Variants in HJV observed in about 807,000 individuals in gnomAD.
The protein encoded by HJV is hemojuvelin BMP co-receptor.
In HJV, 18 loss-of-function variants were observed where a neutral mutation model predicts 22.7. That is an observed-to-expected ratio of 0.79 (90% CI 0.55 to 1.18). The LOEUF (loss-of-function observed/expected upper bound fraction) is 1.18. Ranked by LOEUF, HJV falls within the 50% of genes most tolerant of loss-of-function variation. HJV has a pLI of 0.00. For synonymous variants in HJV, 229 were observed against 222.7 expected (o/e 1.03, Z -0.25); for missense variants, 572 against 553.0 (o/e 1.03, Z -0.34).
intron 3 of HJV, 89 bp downstream of exon 3, chr1:146,019,086 G>T: frequency 9.3e-7 from 1 of 1,071,312 alleles, no homozygotes. Flanking sequence ...GAATTAGGGA[G>T]CATTGCTGTT....
chr1:146,019,347 G>A lies in HJV; in HGVS notation c.485C>T (p.Pro162Leu). Reference sequence around the variant, plus strand: ...GAAGGAAGCGCAATGCAAGAACCCCGGGGGACGACCATGCAGCCGGGAAAA... The same window carrying A: ...GAAGGAAGCGCAATGCAAGAACCCCAGGGGACGACCATGCAGCCGGGAAAA... ...GRFSRLHGRP[P>L]GFLHCASFGD... Residue 162 changes from proline to leucine, a missense_variant, in exon 3 of 4, where the codon CCG becomes CTG. By Grantham distance (98) the Pro-to-Leu change is moderately conservative (BLOSUM62 -3). Transcript: ENST00000336751. 2 of 1,613,856 alleles carry A rather than the reference G, an allele frequency of 1.2e-6. No homozygotes were observed. The highest frequency in any genetic ancestry group is 2.2e-5 in the East Asian group (1 of 44,884).
chr1:146,020,242 C>T lies in HJV; in HGVS notation c.-11G>A. 1 of 1,561,260 alleles carries T rather than the reference C, an allele frequency of 6.4e-7. No homozygotes were observed. Among genetic ancestry groups the T allele is most frequent in the South Asian group, 1.1e-5 (1 of 90,036 alleles). ...GCCTGGCTCCCCCATACCTATCCAG[C>T]CAGGTTTCCCAGGCGCCGGTTCTTC... is the stretch of plus-strand genomic sequence containing the variant. On this transcript the variant is annotated 5_prime_UTR_variant, in exon 2 of 4. Coordinates refer to ENST00000336751, the MANE Select transcript of HJV (RefSeq NM_213653.4).
rs782353082 is a variant in HJV at position 146,019,441 on chromosome 1, G to T, written c.391C>A (p.Arg131=). The change falls in exon 3 of 4, where the codon CGG becomes AGG. Residue 131 remains arginine, a synonymous_variant. Coordinates refer to ENST00000336751, the MANE Select transcript of HJV (RefSeq NM_213653.4). ...RQGPTAPPPP[R]GPALPGAGSG... ...CCCGCGCCTGGAAGGGCGGGGCCCC[G>T]GGGCGGGGGAGGGGCTGTAGGGCCC... The T allele has an allele frequency of 1.9e-6, 3 of 1,612,286 alleles. No individual in the cohort carries two copies. The highest frequency in any genetic ancestry group is 2.5e-6 in the Non-Finnish European group (3 of 1,179,508).
In HJV at chr1:146,019,423, C is replaced by T. The variant is rs587719388; in HGVS notation, c.409G>A (p.Gly137Ser). 56 of 1,612,458 alleles carry T rather than the reference C, an allele frequency of 3.5e-5. 1 individual carries two copies. The East Asian group carries it at 5.8e-4, about 17-fold the overall frequency. The change falls in exon 3 of 4, where the codon GGC becomes AGC. Residue 137 changes from glycine to serine, a missense_variant. Coordinates refer to ENST00000336751, the MANE Select transcript of HJV (RefSeq NM_213653.4). ...GGGGCAGGGAGGCCGGAGCCCGCGC[C>T]TGGAAGGGCGGGGCCCCGGGGCGGG... Reference protein sequence around the residue: ...PPPPRGPALPGAGSGLPAPDP... With the variant: ...PPPPRGPALPSAGSGLPAPDP...
intron 1 of HJV, 118 bp downstream of exon 1, chr1:146,021,469 G>C (rs587613253): frequency 6.5e-6 from 1 of 152,792 alleles, no homozygotes; most frequent in Admixed American, 6.5e-5. Flanking sequence ...GGGCACCTTG[G>C]TAGGGAGAGA....
chr1:146,019,875 A>G, intron 2 of HJV, 141 bp from the exon 3 acceptor site: 2 of 1,317,068 alleles, frequency 1.5e-6, no homozygotes, highest in Non-Finnish European at 2.1e-6. Context: ...CCCAGCCCCC[A>G]ACCCCCTAGT....
chr1:146,019,054 G>T, intron 3 of HJV, 121 bp downstream of exon 3: 1 of 894,438 alleles, frequency 1.1e-6, no homozygotes, highest in Non-Finnish European at 1.9e-6. Flanking sequence ...TCGAGATGGG[G>T]GAGAGGTTGA....
At position 146,018,243 on chromosome 1, in the gene HJV, T is replaced by A. The variant is rs151128969; in HGVS notation, c.1115A>T (p.Asn372Ile). Reference protein sequence around the residue: ...VFDVLISGDPNFTVAAQAALE... With the variant: ...VFDVLISGDPIFTVAAQAALE... ...TGCTGCCTGAGCTGCCACGGTAAAG[T>A]TGGGATCACCAGAAATTAAAACATC... The change falls in exon 4 of 4, where the codon AAC becomes ATC. Residue 372 changes from asparagine (N) to isoleucine (I), a missense_variant. By Grantham distance (149) the Asn-to-Ile change is moderately radical. Transcript: ENST00000336751. 5.6e-6 allele frequency: 9 copies of A among 1,614,050 alleles called. No individual in the cohort carries two copies. Among genetic ancestry groups the A allele is most frequent in the Admixed American group, 1.7e-5 (1 of 59,982 alleles).
In HJV at chr1:146,018,696, G is replaced by T; in HGVS notation, c.662C>A (p.Thr221Asn). The T allele has an allele frequency of 6.2e-7, 1 of 1,614,120 alleles. No homozygotes were observed. Among genetic ancestry groups the T allele is most frequent in the East Asian group, 2.2e-5 (1 of 44,888 alleles). Reference protein sequence around the residue: ...GANATATRKLTIIFKNMQECI... With the variant: ...GANATATRKLNIIFKNMQECI... ...TTCCTGCATGTTCTTAAATATGATG[G>T]TGAGCTGTGAGGACAAGAGGGAAAA... Residue 221 changes from threonine (T) to asparagine (N), a missense_variant, in exon 4 of 4, where the codon ACC becomes AAC. Coordinates refer to ENST00000336751, the MANE Select transcript of HJV (RefSeq NM_213653.4).
rs1553769787 is a variant in HJV, at chr1:146,019,703, A to G, written c.129T>C (p.Asn43=). 1.2e-6 allele frequency: 2 copies of G among 1,613,956 alleles called. No individual in the cohort carries two copies. The highest frequency in any genetic ancestry group is 1.7e-5 in the Admixed American group (1 of 60,010). Residue 43 remains asparagine, a synonymous_variant, in exon 3 of 4, where the codon AAT becomes AAC. Coordinates refer to ENST00000336751, the MANE Select transcript of HJV (RefSeq NM_213653.4). ...TCAGAGTGGACGATACGTACTCAGCATTGCAGCGGAGGATCTTGCATTGAG... is the reference window on the plus strand; with the variant it reads ...TCAGAGTGGACGATACGTACTCAGCGTTGCAGCGGAGGATCTTGCATTGAG... ...AHSQCKILRC[N]AEYVSSTLSL...
At position 146,019,435 on chromosome 1, in the gene HJV, G is replaced by C; in HGVS notation, c.397C>G (p.Pro133Ala). ...CCGGAGCCCGCGCCTGGAAGGGCGG[G>C]GCCCCGGGGCGGGGGAGGGGCTGTA... ...GPTAPPPPRGPALPGAGSGLP... is the reference protein window; with the variant it reads ...GPTAPPPPRGAALPGAGSGLP... Residue 133 changes from proline to alanine, a missense_variant, in exon 3 of 4, where the codon CCC (proline) becomes GCC (alanine). Pro to Ala is a conservative substitution (Grantham distance 27). Coordinates refer to ENST00000336751, the MANE Select transcript of HJV (RefSeq NM_213653.4). 6.2e-7 allele frequency: 1 copy of C among 1,612,156 alleles called. No homozygotes were observed. The highest frequency in any genetic ancestry group is 1.7e-4 in the Middle Eastern group (1 of 6,048).
In HJV at chr1:146,018,339, A is replaced by G. The variant is rs1553769422; in HGVS notation, c.1019T>C (p.Ile340Thr). 1.9e-6 allele frequency: 3 copies of G among 1,614,066 alleles called. No individual in the cohort carries two copies. The highest frequency in any genetic ancestry group is 2.2e-5 in the East Asian group (1 of 44,896). The change falls in exon 4 of 4, where the codon ATT (isoleucine) becomes ACT (threonine). Residue 340 changes from isoleucine to threonine, a missense_variant. Transcript: ENST00000336751. The stretch of plus-strand genomic sequence containing the variant: ...CTTGCACAGCCGTCTGGCAGTATCA[A>G]TGGTTATAGCTCCCCGACGATTGCG... Reference protein sequence around the residue: ...SERNRRGAITIDTARRLCKEG... With the variant: ...SERNRRGAITTDTARRLCKEG...
In HJV at chr1:146,018,092, C is replaced by T. The variant is rs782677023; in HGVS notation, c.1266G>A (p.Trp422Ter). 1.6e-5 allele frequency: 26 copies of T among 1,613,922 alleles called. No individual in the cohort carries two copies. Among genetic ancestry groups the T allele is most frequent in the Non-Finnish European group, 2.1e-5 (25 of 1,180,020 alleles). ...APLLSGLFVLWLCIQ is the reference protein window; with the variant it reads ...APLLSGLFVL ...GATGGTCCCCTTACTGAATGCAAAG[C>T]CACAGAACAAAGAGCCCAGAAAGGA... The change falls in exon 4 of 4, where the codon TGG becomes TGA. Residue 422 changes from tryptophan to a stop codon, truncating the protein, a stop_gained. Transcript: ENST00000336751. LOFTEE classifies it high-confidence loss of function.
chr1:146,018,690 A>G lies in HJV; in HGVS notation c.668T>C (p.Ile223Thr), dbSNP rs1261383508. 2 of 1,614,036 alleles carry G rather than the reference A, an allele frequency of 1.2e-6. No individual in the cohort carries two copies. The highest frequency in any genetic ancestry group is 1.7e-6 in the Non-Finnish European group (2 of 1,180,036). The change falls in exon 4 of 4, where the codon ATA becomes ACA. Residue 223 changes from isoleucine (I) to threonine (T), a missense_variant. Coordinates refer to ENST00000336751, the MANE Select transcript of HJV (RefSeq NM_213653.4). ...NATATRKLTI[I>T]FKNMQECIDQ... ...AATGCATTCCTGCATGTTCTTAAAT[A>G]TGATGGTGAGCTGTGAGGACAAGAG...
Position 146,019,178 on chromosome 1 carries a change from C to T in HJV, c.654G>A (p.Arg218=). 1 of 1,613,766 alleles carries T rather than the reference C, an allele frequency of 6.2e-7. No homozygotes were observed. The highest frequency in any genetic ancestry group is 8.5e-7 in the Non-Finnish European group (1 of 1,179,666). ...MALGANATAT[R]KLTIIFKNMQ... Reference sequence around the variant, plus strand: ...GAAGGAAGATTGAGTGCCTGACCTTCCGGGTGGCGGTAGCGTTGGCCCCCA... The same window carrying T: ...GAAGGAAGATTGAGTGCCTGACCTTTCGGGTGGCGGTAGCGTTGGCCCCCA... Residue 218 remains arginine, a synonymous_variant, in exon 3 of 4, where the codon CGG becomes CGA. Transcript: ENST00000336751.
intron 1 of HJV, 32 bp from the exon 2 acceptor site, chr1:146,020,352 G>A (rs1310777758): frequency 5.4e-6 from 4 of 743,578 alleles, no homozygotes; most frequent in Non-Finnish European, 9.9e-6. Context: ...GACATGGAGA[G>A]AGAGAAGAAT....
In HJV at chr1:146,018,484, C is replaced by T. The variant is rs782692483; in HGVS notation, c.874G>A (p.Gly292Arg). 2 of 1,614,032 alleles carry T rather than the reference C, an allele frequency of 1.2e-6. No homozygotes were observed. The highest frequency in any genetic ancestry group is 1.7e-5 in the Admixed American group (1 of 60,002). Reference protein sequence around the residue: ...GTTIIIRQTAGQLSFSIKVAE... With the variant: ...GTTIIIRQTARQLSFSIKVAE... The stretch of plus-strand genomic sequence containing the variant: ...ACCTTGATGGAGAAGGAGAGCTGCC[C>T]AGCTGTCTGCCGAATGATTATAGTT... Residue 292 changes from glycine to arginine, a missense_variant, in exon 4 of 4, where the codon GGG (glycine) becomes AGG (arginine). Transcript: ENST00000336751.
At chr1:146,019,120 G>T in intron 3 of HJV, 55 bp downstream of exon 3, 1 of 1,400,138 alleles carries the variant, frequency 7.1e-7, no homozygotes, top group South Asian at 1.2e-5. Flanking sequence ...GGGGAGGAAT[G>T]GTGCCCGTGG....
Position 146,018,444 on chromosome 1 carries a change from G to A in HJV, c.914C>T (p.Ala305Val). The change falls in exon 4 of 4, where the codon GCC becomes GTC. Residue 305 changes from alanine (A) to valine (V), a missense_variant. By Grantham distance (64) the Ala-to-Val change is moderately conservative. Transcript: ENST00000336751. The part of the protein sequence containing the change: ...SFSIKVAEDV[A>V]MAFSAEQDLQ... ...GTCCTGTTCAGCTGAGAAGGCCATG[G>A]CCACATCCTCTGCTACCTTGATGGA... 6.2e-7 allele frequency: 1 copy of A among 1,614,144 alleles called. No homozygotes were observed. The highest frequency in any genetic ancestry group is 1.7e-5 in the Admixed American group (1 of 60,022).
Sources: allele counts gnomAD v4.1 joint callset, GRCh38; gene constraint gnomAD v4.1.1; transcripts MANE v1.5; gene names NCBI Gene and HGNC (gene_info 2026-07-23, HGNC 2026-07-21).